ELF5: variants seen among roughly 807,000 people sequenced by gnomAD.
ELF5 encodes the protein E74 like ETS transcription factor 5.
Under a neutral mutation model 38.2 loss-of-function variants are expected in ELF5, and 31 were observed. The observed-to-expected ratio is 0.81, with a 90% confidence interval of 0.61 to 1.10. ELF5 has a LOEUF of 1.10. Ranked by LOEUF, ELF5 falls within the 50% of genes least tolerant of loss-of-function variation. The pLI, the probability that ELF5 is intolerant of heterozygous loss-of-function variation, is 0.00. For synonymous variants in ELF5, 121 were observed against 112.5 expected, an observed-to-expected ratio of 1.08 and a Z score of -0.48; for missense variants, 300 against 306.6, an observed-to-expected ratio of 0.98 and a Z score of 0.16.
intron 4 of ELF5, among the ~76,000 whole-genome samples, chr11:34,483,410 T>C (rs567136561): frequency 2.8e-4 from 43 of 151,956 alleles, no homozygotes; most frequent in Non-Finnish European, 4.7e-4. Context: ...CTGCAGCACC[T>C]AGCACACTGC....
At chr11:34,490,865 A>G (rs1850152916) in intron 3 of ELF5, among the ~76,000 whole-genome samples, 1 of 151,890 alleles carries the variant, frequency 6.6e-6, no homozygotes, top group Non-Finnish European at 1.5e-5. Context: ...GCCTCAGTTG[A>G]CTCTGTCCAA....
chr11:34,493,279 G>A, intron 3 of ELF5, 200 bp downstream of exon 3: 1 of 616,806 alleles, frequency 1.6e-6, no homozygotes, highest in South Asian at 2.0e-5. Context: ...CACTCAATTT[G>A]CATTTTTGTA....
At chr11:34,485,421 C>A (rs1005267567) in intron 4 of ELF5, among the ~76,000 whole-genome samples, 3 of 152,124 alleles carry the variant, frequency 2.0e-5, no homozygotes, top group Admixed American at 2.0e-4. Context: ...TTGATTTAAT[C>A]TTTTAGGAGA....
rs11388919 is a variant in ELF5 at position 34,479,688 on chromosome 11, CAA to C, written c.*528_*529del. On this transcript the variant is annotated 3_prime_UTR_variant, in exon 7 of 7. Transcript: ENST00000257832. ...TGGGCAACATAGTGAGAACCCGTCTCAAAAAAAAAAAAAGGGATACTTTTCTA... is the reference window on the plus strand; with the variant it reads ...TGGGCAACATAGTGAGAACCCGTCTCAAAAAAAAAAAGGGATACTTTTCTA... 8.0e-5 allele frequency: 11 copies of C among 137,356 alleles called. No homozygotes were observed. Among genetic ancestry groups the C allele is most frequent in the African/African-American group, 8.2e-5 (3 of 36,384 alleles). 8.5% of individuals were successfully genotyped at this position (137,356 alleles called of 1,614,324 possible).
At chr11:34,510,685 C>G (rs1182560240) in intron 1 of ELF5, among the ~76,000 whole-genome samples, 1 of 151,924 alleles carries the variant, frequency 6.6e-6, no homozygotes, top group Non-Finnish European at 1.5e-5. Context: ...TCTTGGGGAT[C>G]AAAAAACTGA....
intron 4 of ELF5, 56 bp downstream of exon 4, chr11:34,489,953 C>T: frequency 6.3e-7 from 1 of 1,587,220 alleles, no homozygotes; most frequent in Non-Finnish European, 8.7e-7. Flanking sequence ...TGGTCAAGCC[C>T]ATGTACCAAT....
At position 34,512,715 on chromosome 11, in the gene ELF5, T is replaced by C. The variant is rs572234367; in HGVS notation, c.-5+962A>G. Among the ~76,000 whole-genome samples, 21 of 152,210 alleles carry C rather than the reference T, an allele frequency of 1.4e-4. No individual in the cohort carries two copies. In the South Asian group the frequency reaches 4.4e-3, roughly 32 times the overall value. On this transcript the variant is annotated intron_variant, in intron 1 of 6. Coordinates refer to ENST00000257832, the MANE Select transcript of ELF5 (RefSeq NM_001422.4). ...AAAAATTTGCCACTCTGGTGACTTC[T>C]GAAAAAGGGAGATGACCAAACTGAA...
At chr11:34,501,578 C>T (rs989491904) in intron 2 of ELF5, among the ~76,000 whole-genome samples, 12 of 152,104 alleles carry the variant, frequency 7.9e-5, no homozygotes, top group African/African-American at 2.9e-4. Flanking sequence ...GCAGCCTCCC[C>T]CCCAACCAAC....
chr11:34,496,385 T>G (rs112175337), intron 2 of ELF5, among the ~76,000 whole-genome samples: 1 of 152,240 alleles, frequency 6.6e-6, no homozygotes, highest in East Asian at 1.9e-4. Flanking sequence ...ATGGCAGGCC[T>G]CTTTTCCGGG....
At chr11:34,480,368 A>C in intron 6 of ELF5, 54 bp from the exon 7 acceptor site, 1 of 1,371,142 alleles carries the variant, frequency 7.3e-7, no homozygotes, top group Non-Finnish European at 1.0e-6. Flanking sequence ...CTAGGAAAAC[A>C]ACAGAACACA....
At chr11:34,502,621 C>T (rs371692097) in intron 2 of ELF5, among the ~76,000 whole-genome samples, 1 of 152,244 alleles carries the variant, frequency 6.6e-6, no homozygotes, top group Non-Finnish European at 1.5e-5. Context: ...CACCCAACTT[C>T]GACCTTTTGG....
chr11:34,489,018 C>T (rs58808490), intron 4 of ELF5, among the ~76,000 whole-genome samples: 253 of 152,270 alleles, frequency 1.7e-3, no homozygotes, highest in African/African-American at 5.6e-3. Flanking sequence ...TGCTACACCC[C>T]GGGGCCCCGA....
At chr11:34,496,477 A>C (rs78868810) in intron 2 of ELF5, among the ~76,000 whole-genome samples, 20,610 of 152,124 alleles carry the variant, frequency 0.14, 1,534 homozygotes, top group Admixed American at 0.21. Flanking sequence ...CCTCCTCACC[A>C]GCCCCTCTCC....
rs140742631 is a variant in ELF5 at position 34,495,412 on chromosome 11, A to G, written c.122-1700T>C. Among the ~76,000 whole-genome samples, 422 of 152,268 alleles carry G rather than the reference A, an allele frequency of 2.8e-3. 3 individuals are homozygous for G. Among genetic ancestry groups the G allele is most frequent in the African/African-American group, 9.9e-3 (411 of 41,540 alleles). ...GTGGGTCCTCTGCCTGTCAGGTGCT[A>G]CTACTCACTCAGCACCCTCAGCCAG... On this transcript the variant is annotated intron_variant, in intron 2 of 6. Transcript: ENST00000257832.
chr11:34,505,577 T>C, intron 2 of ELF5, 52 bp downstream of exon 2: 2 of 1,607,674 alleles, frequency 1.2e-6, no homozygotes, highest in South Asian at 1.1e-5. Flanking sequence ...CACCACCTCC[T>C]GCCCTAGCCC....
Position 34,482,416 on chromosome 11 carries a change from G to T in ELF5, c.475+15C>A, listed in dbSNP as rs1001914956. ...TTTTAAGAAATTAGAATGAAAACTG[G>T]CATCCTGCACTTACTTGTTCTACTA... is the stretch of plus-strand genomic sequence containing the variant. On this transcript the variant is annotated intron_variant, in intron 5 of 6. Coordinates refer to ENST00000257832, the MANE Select transcript of ELF5 (RefSeq NM_001422.4). 1 of 1,609,962 alleles carries T rather than the reference G, an allele frequency of 6.2e-7. No homozygotes were observed. The highest frequency in any genetic ancestry group is 1.3e-5 in the African/African-American group (1 of 74,802).
rs779268505 is a variant in ELF5, at chr11:34,480,736, CT to C, written c.671+35del. 1.2e-5 allele frequency: 19 copies of C among 1,603,596 alleles called. No individual in the cohort carries two copies. In the South Asian group the frequency reaches 2.1e-4, roughly 18 times the overall value. ...CAGCCAGCCATTGTATATAACTCTT[CT>C]TGAAGGCTCATAGTATTTTATGCTA... On this transcript the variant is annotated intron_variant, in intron 6 of 6. Coordinates refer to ENST00000257832, the MANE Select transcript of ELF5 (RefSeq NM_001422.4).
intron 4 of ELF5, among the ~76,000 whole-genome samples, chr11:34,484,957 C>T (rs1482600648): frequency 6.6e-6 from 1 of 152,200 alleles, no homozygotes; most frequent in Non-Finnish European, 1.5e-5. Context: ...CCCTTATGAG[C>T]CCCATAGAGA....
chr11:34,508,505 AAAAAAAT>A (rs578086176), intron 1 of ELF5, among the ~76,000 whole-genome samples: 107 of 152,198 alleles, frequency 7.0e-4, no homozygotes, highest in African/African-American at 2.0e-3. Flanking sequence ...TATGTCTCAC[AAAAAAAT>A]AAAAAATAAA....
Sources: allele counts gnomAD v4.1 joint callset (sites outside exome capture counted in the v4.1 genomes callset), GRCh38; gene constraint gnomAD v4.1.1; transcripts MANE v1.5; gene names NCBI Gene and HGNC (gene_info 2026-07-23, HGNC 2026-07-21).